Variants in FHOD3 observed in about 807,000 individuals in gnomAD.
FHOD3 encodes formin homology 2 domain containing 3, also known as FH1/FH2 domain-containing protein 3.
A neutral mutation model predicts 173.0 loss-of-function variants in FHOD3; 90 were observed. The ratio of observed to expected loss-of-function variants is 0.52; its 90% confidence interval spans 0.44 to 0.62. The LOEUF is 0.62. Among genes scored for constraint, FHOD3 ranks in the 20% least tolerant of loss-of-function variants. The probability of loss-of-function intolerance (pLI) is 0.00; values close to 1 mark genes in which losing one functional copy is unlikely to be tolerated. For missense variants in FHOD3, 1,945 were observed against 2,034.7 expected (o/e 0.96, Z 0.85); for synonymous variants, 828 against 823.0 (o/e 1.01, Z -0.10).
intron 28 of FHOD3, among the ~76,000 whole-genome samples, chr18:36,775,304 C>T (rs909332965): frequency 6.6e-6 from 1 of 152,202 alleles, no homozygotes; most frequent in Non-Finnish European, 1.5e-5. Context: ...AAGGTGAAAG[C>T]GCACAGATGG....
chr18:36,459,846 C>G (rs1309855975), intron 3 of FHOD3, among the ~76,000 whole-genome samples: 2 of 151,964 alleles, frequency 1.3e-5, no homozygotes, highest in Non-Finnish European at 2.9e-5. Context: ...TCATTAGATT[C>G]CCTTTGTTTT....
At chr18:36,749,157 T>G (rs1052562546) in intron 24 of FHOD3, among the ~76,000 whole-genome samples, 2 of 152,204 alleles carry the variant, frequency 1.3e-5, no homozygotes, top group Non-Finnish European at 2.9e-5. Context: ...GAAAATTTTG[T>G]TTTGGATGTT....
intron 5 of FHOD3, among the ~76,000 whole-genome samples, chr18:36,555,921 A>C (rs1306322094): frequency 6.6e-6 from 1 of 151,936 alleles, no homozygotes; most frequent in African/African-American, 2.4e-5. Context: ...ATTTTAGCTG[A>C]TTTTTTTCTC....
chr18:36,479,131 T>C (rs567804348), intron 3 of FHOD3, among the ~76,000 whole-genome samples: 19 of 152,330 alleles, frequency 1.2e-4, no homozygotes, highest in Non-Finnish European at 2.5e-4. Context: ...GTTGTTCACA[T>C]GTATTACAGA....
At chr18:36,338,896 G>A (rs2045465336) in intron 1 of FHOD3, among the ~76,000 whole-genome samples, 1 of 152,116 alleles carries the variant, frequency 6.6e-6, no homozygotes, top group Admixed American at 6.5e-5. Context: ...GGTGCCGTGT[G>A]GATAAATGTG....
At chr18:36,420,166 G>A (rs954556297) in intron 3 of FHOD3, among the ~76,000 whole-genome samples, 10 of 152,142 alleles carry the variant, frequency 6.6e-5, no homozygotes, top group South Asian at 2.1e-4. Flanking sequence ...ATACTGATCC[G>A]TCCACACTCT....
At chr18:36,586,933 T>C (rs1307876404) in intron 6 of FHOD3, among the ~76,000 whole-genome samples, 2 of 152,258 alleles carry the variant, frequency 1.3e-5, no homozygotes, top group African/African-American at 4.8e-5. Context: ...GGGGGGTCTT[T>C]CCCTGATTGG....
At chr18:36,497,474 C>T (rs1451469108) in intron 3 of FHOD3, among the ~76,000 whole-genome samples, 4 of 152,070 alleles carry the variant, frequency 2.6e-5, no homozygotes, top group Admixed American at 2.6e-4. Context: ...AAGCAAGATG[C>T]AACTATATAA....
At chr18:36,362,279 C>T (rs1192002143) in intron 2 of FHOD3, among the ~76,000 whole-genome samples, 2 of 152,190 alleles carry the variant, frequency 1.3e-5, no homozygotes, top group South Asian at 4.2e-4. Context: ...GGATTGGGGC[C>T]TCACCCAGGG....
chr18:36,700,347 A>G (rs2039511641), intron 17 of FHOD3, among the ~76,000 whole-genome samples: 1 of 152,142 alleles, frequency 6.6e-6, no homozygotes, highest in African/African-American at 2.4e-5. Flanking sequence ...GTTCAGATGG[A>G]AGGTGATGTC....
rs537326701 is a variant in FHOD3, at chr18:36,576,966, G to A, written c.606+421G>A. On this transcript the variant is annotated intron_variant, in intron 6 of 28. Transcript: ENST00000590592. Reference sequence around the variant, plus strand: ...AAATTAGCTGGGCATGGTGGCACGCGCCTGTAGTCCCAGCTGCTCGGGAGG... The same window carrying A: ...AAATTAGCTGGGCATGGTGGCACGCACCTGTAGTCCCAGCTGCTCGGGAGG... Among the ~76,000 whole-genome samples the A allele has an allele frequency of 7.5e-4, 114 of 152,080 alleles. 1 individual carries two copies. Among genetic ancestry groups the A allele is most frequent in the South Asian group, 5.6e-3 (27 of 4,798 alleles).
chr18:36,311,371 G>A (rs2092253574), intron 1 of FHOD3, among the ~76,000 whole-genome samples: 1 of 152,142 alleles, frequency 6.6e-6, no homozygotes, highest in Non-Finnish European at 1.5e-5. Flanking sequence ...TCTGCTTGAT[G>A]TCAGATTCTG....
intron 5 of FHOD3, among the ~76,000 whole-genome samples, chr18:36,531,630 T>G (rs2056784390): frequency 6.6e-6 from 1 of 152,134 alleles, no homozygotes; most frequent in Non-Finnish European, 1.5e-5. Context: ...TTCAAAGGAG[T>G]CTGTTTGATA....
intron 5 of FHOD3, among the ~76,000 whole-genome samples, chr18:36,567,083 A>G (rs1460751860): frequency 6.6e-6 from 1 of 152,162 alleles, no homozygotes; most frequent in African/African-American, 2.4e-5. Context: ...GTGTCCTGTT[A>G]ACAGGGTCCC....
At chr18:36,741,718 C>T (rs1472547166) in intron 21 of FHOD3, among the ~76,000 whole-genome samples, 1 of 151,960 alleles carries the variant, frequency 6.6e-6, no homozygotes, top group Non-Finnish European at 1.5e-5. Context: ...CTGCAGTAGG[C>T]TATAATCACC....
At chr18:36,471,341 G>A (rs1413496960) in intron 3 of FHOD3, among the ~76,000 whole-genome samples, 1 of 152,148 alleles carries the variant, frequency 6.6e-6, no homozygotes, top group East Asian at 1.9e-4. Context: ...CTTGCATCCT[G>A]CTTTACTGTC....
At chr18:36,491,216 C>T (rs1010611010) in intron 3 of FHOD3, among the ~76,000 whole-genome samples, 1 of 152,166 alleles carries the variant, frequency 6.6e-6, no homozygotes, top group Non-Finnish European at 1.5e-5. Context: ...TCTCCCACTT[C>T]CTGTAGGCTT....
In FHOD3 at chr18:36,404,229, G is replaced by A. The variant is rs147249769; in HGVS notation, c.337+31485G>A. ...TACAAGCTTTTCTGGACTAGCCCCAGGTCAGCCATCTGCTGAGGTGTTGCC... is the reference window on the plus strand; with the variant it reads ...TACAAGCTTTTCTGGACTAGCCCCAAGTCAGCCATCTGCTGAGGTGTTGCC... On this transcript the variant is annotated intron_variant, in intron 3 of 28. Transcript: ENST00000590592. Among the ~76,000 whole-genome samples the A allele has an allele frequency of 3.5e-3, 538 of 152,296 alleles. 4 individuals carry two copies. Among genetic ancestry groups the A allele is most frequent in the Non-Finnish European group, 6.6e-3 (448 of 68,022 alleles).
At chr18:36,451,289 T>TTA (rs2051826237) in intron 3 of FHOD3, among the ~76,000 whole-genome samples, 1 of 152,226 alleles carries the variant, frequency 6.6e-6, no homozygotes, top group Admixed American at 6.5e-5. Context: ...AACTACTTGG[T>TTA]ACATAATGTT....
Sources: gnomAD v4.1 joint callset for allele counts (sites outside exome capture counted in the v4.1 genomes callset) on GRCh38, gnomAD v4.1.1 for gene constraint, MANE v1.5 for transcripts, NCBI Gene and HGNC (gene_info 2026-07-23, HGNC 2026-07-21) for gene names.